Variants in SHARPIN observed in about 807,000 individuals in gnomAD.
SHARPIN encodes the protein hSIPL1.
A neutral mutation model predicts 40.3 loss-of-function variants in SHARPIN; 25 were observed. The ratio of observed to expected loss-of-function variants is 0.62; its 90% CI spans 0.45 to 0.87. SHARPIN has a LOEUF of 0.87. Among genes scored for constraint, SHARPIN ranks in the 40% least tolerant of loss-of-function variants. SHARPIN has a pLI of 0.00. For missense variants in SHARPIN, 551 were observed against 516.1 expected, an observed-to-expected ratio of 1.07 and a Z score of -0.66; for synonymous variants, 274 against 221.8, an observed-to-expected ratio of 1.24 and a Z score of -2.09.
At position 144,103,588 on chromosome 8, in the gene SHARPIN, A is replaced by C; in HGVS notation, c.166T>G (p.Phe56Val). ...LSADPERPGR[F>V]RLELLGAGPG... ...CCCGCGCCCAGCAGCTCCAGCCGGA[A>C]GCGCCCAGGCCGCTCAGGGTCCGCG... Residue 56 changes from phenylalanine to valine, a missense_variant, in exon 1 of 9, where the codon TTC becomes GTC. Physicochemically the swap from Phe to Val is conservative, Grantham distance 50. Coordinates refer to ENST00000398712, the MANE Select transcript of SHARPIN (RefSeq NM_030974.4). 6.5e-7 allele frequency: 1 copy of C among 1,531,156 alleles called. No individual in the cohort carries two copies. Among genetic ancestry groups the C allele is most frequent in the South Asian group, 1.2e-5 (1 of 83,866 alleles). The allele number at this position is 1,531,156 out of a possible 1,614,324, so 94.8% of individuals were successfully genotyped here.
rs1384241147 is a variant in SHARPIN at position 144,100,086 on chromosome 8, G to C, written c.377-17C>G. 3.2e-6 allele frequency: 5 copies of C among 1,555,442 alleles called. No homozygotes were observed. The highest frequency in any genetic ancestry group is 1.7e-4 in the Middle Eastern group (1 of 5,748). The stretch of plus-strand genomic sequence containing the variant: ...TCTTGCTGCCTAGAGGTAAGATATG[G>C]GTGTGCTGTGCTGTGGCCTCTGTCC... On this transcript the variant is annotated splice_polypyrimidine_tract_variant and intron_variant, in intron 2 of 8. Transcript: ENST00000398712.
intron 2 of SHARPIN, among the ~76,000 whole-genome samples, 182 bp from the exon 3 acceptor site, chr8:144,100,251 A>G (rs1288024918): frequency 2.0e-5 from 3 of 152,206 alleles, no homozygotes; most frequent in Non-Finnish European, 4.4e-5. Context: ...GGCCCCTGCC[A>G]GACTTCTGTT....
In SHARPIN at chr8:144,099,502, G is replaced by A; in HGVS notation, c.768+8C>T. The A allele has an allele frequency of 2.5e-6, 4 of 1,612,898 alleles. No individual in the cohort carries two copies. Among genetic ancestry groups the A allele is most frequent in the South Asian group, 1.1e-5 (1 of 90,906 alleles). ...CCCCTGGCAGGGCTCCCCAGACCCT[G>A]TGCCCACCTGCTCCTGGAGAGCTGC... On this transcript the variant is annotated splice_region_variant and intron_variant, in intron 5 of 8. Coordinates refer to ENST00000398712, the MANE Select transcript of SHARPIN (RefSeq NM_030974.4).
chr8:144,099,530 C>T lies in SHARPIN; in HGVS notation c.748G>A (p.Val250Ile). The change falls in exon 5 of 9, where the codon GTT (valine) becomes ATT (isoleucine). Residue 250 changes from valine to isoleucine, a missense_variant. Physicochemically the swap from Val to Ile is conservative, Grantham distance 29 (BLOSUM62 3). Transcript: ENST00000398712. ...VALQVHPHCT[V>I]AALQEQVFSE... ...CCCACCTGCTCCTGGAGAGCTGCAA[C>T]AGTGCAGTGGGGGTGGACCTGCAGG... 1.9e-6 allele frequency: 3 copies of T among 1,613,992 alleles called. No individual in the cohort carries two copies. The highest frequency in any genetic ancestry group is 2.5e-6 in the Non-Finnish European group (3 of 1,179,964).
chr8:144,099,179 G>C lies in SHARPIN; in HGVS notation c.949C>G (p.Gln317Glu). The C allele has an allele frequency of 6.3e-7, 1 of 1,594,512 alleles. No individual in the cohort carries two copies. Residue 317 changes from glutamine to glutamate, a missense_variant, in exon 7 of 9, where the codon CAG becomes GAG. Physicochemically the swap from Gln to Glu is conservative, Grantham distance 29. Transcript: ENST00000398712. ...CGTCCAAGTTCCCCGTCCATCTTCT[G>C]GGGGTGCTGAGGGCTAGGTCCTGTG... The part of the protein sequence containing the change: ...PATGPSPQHP[Q>E]KMDGELGRLF...
intron 2 of SHARPIN, among the ~76,000 whole-genome samples, chr8:144,101,644 T>C (rs1310978402): frequency 6.7e-6 from 1 of 148,570 alleles, no homozygotes; most frequent in African/African-American, 2.5e-5. Flanking sequence ...TCTCGATCTC[T>C]TAACCTCATG....
At chr8:144,102,366 G>A (rs935218712) in intron 2 of SHARPIN, among the ~76,000 whole-genome samples, 13 of 148,892 alleles carry the variant, frequency 8.7e-5, no homozygotes, top group Admixed American at 3.4e-4. Flanking sequence ...CTCTGCCTCC[G>A]GGTTCAAGTG....
chr8:144,101,638 G>A (rs1047428674), intron 2 of SHARPIN, among the ~76,000 whole-genome samples: 6 of 139,914 alleles, frequency 4.3e-5, no homozygotes, highest in African/African-American at 8.1e-5. Context: ...GGATGGTCTC[G>A]ATCTCTTAAC....
Position 144,103,674 on chromosome 8 carries a change from G to A in SHARPIN, c.80C>T (p.Ala27Val), listed in dbSNP as rs1187745465. 2 of 1,520,704 alleles carry A rather than the reference G, an allele frequency of 1.3e-6. No individual in the cohort carries two copies. Among genetic ancestry groups the A allele is most frequent in the African/African-American group, 1.4e-5 (1 of 70,406 alleles). The allele number at this position is 1,520,704 out of a possible 1,614,324, so 94.2% of individuals were successfully genotyped here. The stretch of plus-strand genomic sequence containing the variant: ...TGGCCCGGCGCCCAGCGGCCTCACC[G>A]CGGCGTGCACAGCCAAGAGCACTGC... Reference protein sequence around the residue: ...SAAVLLAVHAAVRPLGAGPDA... With the variant: ...SAAVLLAVHAVVRPLGAGPDA... Residue 27 changes from alanine to valine, a missense_variant, in exon 1 of 9, where the codon GCG becomes GTG. Ala to Val is a moderately conservative substitution (Grantham distance 64, BLOSUM62 0). Coordinates refer to ENST00000398712, the MANE Select transcript of SHARPIN (RefSeq NM_030974.4).
chr8:144,102,748 C>T, intron 2 of SHARPIN: 1 of 509,808 alleles, frequency 2.0e-6, no homozygotes, highest in Admixed American at 3.3e-5. Context: ...AGGTCCTGAC[C>T]CTGCCTGCTC....
chr8:144,103,718 G>GGCCGCC lies in SHARPIN; in HGVS notation c.30_35dup (p.Ala11_Ala12dup), dbSNP rs1448452942. ...GCACTGCGGCGGAGCCCAAGTCCGA[G>GGCCGCC]GCCGCCGCCGCCGCCCCGCCCGCTG... is the stretch of plus-strand genomic sequence containing the variant. On this transcript the variant is annotated inframe_insertion, in exon 1 of 9. Transcript: ENST00000398712. 1.6e-4 allele frequency: 219 copies of GGCCGCC among 1,406,858 alleles called. No individual in the cohort carries two copies. Among genetic ancestry groups the GGCCGCC allele is most frequent in the East Asian group, 3.1e-4 (10 of 32,516 alleles). 87.1% of individuals were successfully genotyped at this position (1,406,858 alleles called of 1,614,324 possible).
At chr8:144,103,531 C>T (rs1338163976) in intron 1 of SHARPIN, 22 bp downstream of exon 1, 2 of 1,530,058 alleles carry the variant, frequency 1.3e-6, no homozygotes, top group Non-Finnish European at 1.7e-6. Flanking sequence ...GGACTGACCG[C>T]GCGCCCTCCG....
chr8:144,102,792 G>T, intron 2 of SHARPIN: 2 of 601,874 alleles, frequency 3.3e-6, no homozygotes, highest in Non-Finnish European at 3.0e-6. Context: ...TCCTTCCTGA[G>T]GGTTAAGGAA....
Position 144,098,795 on chromosome 8 carries a change from G to T in SHARPIN, c.*13-7C>A. 6.5e-6 allele frequency: 7 copies of T among 1,079,288 alleles called. No individual in the cohort carries two copies. Among genetic ancestry groups the T allele is most frequent in the Non-Finnish European group, 9.3e-6 (7 of 752,380 alleles). The allele number at this position is 1,079,288 out of a possible 1,614,324, so 66.9% of individuals were successfully genotyped here. On this transcript the variant is annotated splice_polypyrimidine_tract_variant and splice_region_variant and intron_variant, in intron 8 of 8. Transcript: ENST00000398712. ...GCCACTCTCCCCTTGTAACCTGTGG[G>T]GGAGGAGCTGGGTCATTCCTGTGGA...
chr8:144,098,969 G>A lies in SHARPIN; in HGVS notation c.1073C>T (p.Thr358Ile), dbSNP rs1312691025. The part of the protein sequence containing the change: ...LQPSWSCPSC[T>I]FINAPDRPGC... ...AGGGCGGTCTGGGGCATTGATGAAGGTGCAGGAAGGACAGGACCAGCTGGG... is the reference window on the plus strand; with the variant it reads ...AGGGCGGTCTGGGGCATTGATGAAGATGCAGGAAGGACAGGACCAGCTGGG... The change falls in exon 8 of 9, where the codon ACC becomes ATC. Residue 358 changes from threonine (T) to isoleucine (I), a missense_variant. Transcript: ENST00000398712. 2 of 1,598,790 alleles carry A rather than the reference G, an allele frequency of 1.3e-6. No homozygotes were observed. The highest frequency in any genetic ancestry group is 1.7e-6 in the Non-Finnish European group (2 of 1,175,950).
Position 144,100,034 on chromosome 8 carries a change from C to G in SHARPIN, c.412G>C (p.Glu138Gln). The G allele has an allele frequency of 6.3e-7, 1 of 1,594,400 alleles. No individual in the cohort carries two copies. The highest frequency in any genetic ancestry group is 8.5e-7 in the Non-Finnish European group (1 of 1,170,322). Residue 138 changes from glutamate to glutamine, a missense_variant, in exon 3 of 9, where the codon GAA becomes CAA. By Grantham distance (29) the Glu-to-Gln change is conservative. Transcript: ENST00000398712. ...CTGGGCAGGGAGACAGGGCATGCTTCTGGGCCCAAGGCTGGTGGTGAGTTG... is the reference window on the plus strand; with the variant it reads ...CTGGGCAGGGAGACAGGGCATGCTTGTGGGCCCAAGGCTGGTGGTGAGTTG... ...KSNSPPALGP[E>Q]ACPVSLPSPP...
At position 144,098,794 on chromosome 8, in the gene SHARPIN, G is replaced by A; in HGVS notation, c.*13-6C>T. The A allele has an allele frequency of 9.3e-7, 1 of 1,075,924 alleles. No individual in the cohort carries two copies. Among genetic ancestry groups the A allele is most frequent in the East Asian group, 2.6e-5 (1 of 37,976 alleles). The allele number at this position is 1,075,924 out of a possible 1,614,324, so 66.6% of individuals were successfully genotyped here. ...GGCCACTCTCCCCTTGTAACCTGTG[G>A]GGGAGGAGCTGGGTCATTCCTGTGG... On this transcript the variant is annotated splice_polypyrimidine_tract_variant and splice_region_variant and intron_variant, in intron 8 of 8. Coordinates refer to ENST00000398712, the MANE Select transcript of SHARPIN (RefSeq NM_030974.4).
rs140326885 is a variant in SHARPIN at position 144,102,999 on chromosome 8, G to T, written c.376+52C>A. On this transcript the variant is annotated intron_variant, in intron 2 of 8. Coordinates refer to ENST00000398712, the MANE Select transcript of SHARPIN (RefSeq NM_030974.4). ...GGATCCAACTTCCCCAACCAGGACTGGGGGGCCAAGGCTATTCCAAATTGT... is the reference window on the plus strand; with the variant it reads ...GGATCCAACTTCCCCAACCAGGACTTGGGGGCCAAGGCTATTCCAAATTGT... 2.5e-6 allele frequency: 4 copies of T among 1,606,168 alleles called. No individual in the cohort carries two copies. The African/African-American group carries it at 5.4e-5, about 21-fold the overall frequency.
Position 144,103,179 on chromosome 8 carries a change from C to A in SHARPIN, c.248G>T (p.Gly83Val). 6.2e-7 allele frequency: 1 copy of A among 1,613,366 alleles called. No individual in the cohort carries two copies. Among genetic ancestry groups the A allele is most frequent in the Non-Finnish European group, 8.5e-7 (1 of 1,179,914 alleles). Residue 83 changes from glycine to valine, a missense_variant, in exon 2 of 9, where the codon GGC (glycine) becomes GTC (valine). Physicochemically the swap from Gly to Val is moderately radical, Grantham distance 109 (BLOSUM62 -3). Coordinates refer to ENST00000398712, the MANE Select transcript of SHARPIN (RefSeq NM_030974.4). ...AGGCTGTAGCTCGTGCTGGGTGGGG[C>A]CTCGGATGGTGTAGGAAACTGACTC... is the stretch of plus-strand genomic sequence containing the variant. ...PLESVSYTIR[G>V]PTQHELQPPP... is the part of the protein sequence containing the mutation.
Sources: gnomAD v4.1 joint callset for allele counts (sites outside exome capture counted in the v4.1 genomes callset) on GRCh38, gnomAD v4.1.1 for gene constraint, MANE v1.5 for transcripts, NCBI Gene and HGNC (gene_info 2026-07-23, HGNC 2026-07-21) for gene names.